TGS1: variants seen among roughly 807,000 people sequenced by gnomAD.
The protein encoded by TGS1 is trimethylguanosine synthase 1.
Under a neutral mutation model 92.2 loss-of-function variants are expected in TGS1, and 69 were observed. That is an observed-to-expected ratio of 0.75 (90% confidence interval 0.62 to 0.91). The LOEUF is 0.91. Among genes scored for constraint, TGS1 ranks in the 40% least tolerant of loss-of-function variants. The probability of loss-of-function intolerance (pLI) is 0.00; values close to 1 mark genes in which losing one functional copy is unlikely to be tolerated. For missense variants in TGS1, 1,062 were observed against 1,001.2 expected, an observed-to-expected ratio of 1.06 and a Z score of -0.82; for synonymous variants, 345 against 338.1, an observed-to-expected ratio of 1.02 and a Z score of -0.22.
intron 8 of TGS1, among the ~76,000 whole-genome samples, chr8:55,802,250 C>G (rs372415138): frequency 1.3e-5 from 2 of 152,096 alleles, no homozygotes; most frequent in Admixed American, 6.6e-5. Flanking sequence ...GGTTACTTTC[C>G]CAAGCTTACA....
chr8:55,790,050 G>C (rs1811831101), intron 4 of TGS1, 132 bp from the exon 5 acceptor site: 1 of 658,718 alleles, frequency 1.5e-6, no homozygotes, highest in Non-Finnish European at 2.7e-6. Context: ...AGGTAGATGT[G>C]AGCTGGCACT....
At chr8:55,782,462 G>A (rs1199518442) in intron 1 of TGS1, among the ~76,000 whole-genome samples, 1 of 152,148 alleles carries the variant, frequency 6.6e-6, no homozygotes, top group Non-Finnish European at 1.5e-5. Context: ...TTACAGGTGG[G>A]AGCCACTGTG....
intron 12 of TGS1, among the ~76,000 whole-genome samples, chr8:55,820,222 C>T (rs1803596200): frequency 6.6e-6 from 1 of 152,114 alleles, no homozygotes; most frequent in Non-Finnish European, 1.5e-5. Flanking sequence ...TTATCGTGCA[C>T]TTTTACTTTA....
Position 55,826,181 on chromosome 8 carries a change from T to C in TGS1, c.*1478T>C, listed in dbSNP as rs912212251. ...AGCATTCTTAAAGTCACTAGGGAGA[T>C]GGCAGGTGAAGTAAAGGCAGATTTC... On this transcript the variant is annotated 3_prime_UTR_variant, in exon 13 of 13. Transcript: ENST00000260129. Among the ~76,000 whole-genome samples the C allele has an allele frequency of 1.3e-5, 2 of 152,156 alleles. No homozygotes were observed. The highest frequency in any genetic ancestry group is 2.4e-5 in the African/African-American group (1 of 41,438).
At chr8:55,789,935 G>C (rs1196091687) in intron 4 of TGS1, among the ~76,000 whole-genome samples, 1 of 152,136 alleles carries the variant, frequency 6.6e-6, no homozygotes, top group Admixed American at 6.5e-5. Flanking sequence ...AAACCTTTAA[G>C]CTGAGCTTAA....
Position 55,824,701 on chromosome 8 carries a change from T to A in TGS1, c.2560T>A (p.Ter854LysextTer18), listed in dbSNP as rs1306519041. Residue 854 changes from the stop codon to lysine (K), a stop_lost, in exon 13 of 13, where the codon TAA (stop) becomes AAA (lysine). Transcript: ENST00000260129. ...DLIRRPASET* is the reference protein window; with the variant it reads ...DLIRRPASETK ...AATTCGAAGACCAGCCTCTGAAACC[T>A]AACTATGCAGCAGTGCGAGGACAAA... The A allele has an allele frequency of 6.2e-7, 1 of 1,614,126 alleles. No homozygotes were observed. The highest frequency in any genetic ancestry group is 2.2e-5 in the East Asian group (1 of 44,886).
At chr8:55,783,552 A>AAG in intron 2 of TGS1, among the ~76,000 whole-genome samples, 1 of 152,334 alleles carries the variant, frequency 6.6e-6, no homozygotes, top group East Asian at 1.9e-4. Flanking sequence ...GCCTGAAGTA[A>AAG]AGAGACTGTC....
chr8:55,824,346 A>G (rs1803734580), intron 12 of TGS1, among the ~76,000 whole-genome samples: 1 of 152,220 alleles, frequency 6.6e-6, no homozygotes, highest in Non-Finnish European at 1.5e-5. Context: ...GTCCTATACA[A>G]CAGCATAGCA....
At chr8:55,800,088 A>G (rs747849064) in intron 8 of TGS1, among the ~76,000 whole-genome samples, 3 of 152,108 alleles carry the variant, frequency 2.0e-5, no homozygotes, top group Admixed American at 6.6e-5. Context: ...CATTATATTT[A>G]TTGTGATCCT....
chr8:55,795,881 T>C, intron 6 of TGS1, 97 bp from the exon 7 acceptor site: 5 of 940,900 alleles, frequency 5.3e-6, no homozygotes, highest in Non-Finnish European at 8.1e-6. Flanking sequence ...TAAAATGGTG[T>C]AAAAATGAGT....
At chr8:55,782,169 T>A (rs980035681) in intron 1 of TGS1, among the ~76,000 whole-genome samples, 1 of 146,582 alleles carries the variant, frequency 6.8e-6, no homozygotes, top group African/African-American at 2.7e-5. Context: ...TTTATTTATT[T>A]ATTTATTTAT....
At position 55,799,056 on chromosome 8, in the gene TGS1, T is replaced by A; in HGVS notation, c.1685T>A (p.Leu562Gln). ...ATGTCTGTTAAAAAAGGTGATGACC[T>A]ACTGGAGACTAATAATCCAGAACCT... ...QDMSVKKGDD[L>Q]LETNNPEPEK... The change falls in exon 8 of 13, where the codon CTA (leucine) becomes CAA (glutamine). Residue 562 changes from leucine to glutamine, a missense_variant. By Grantham distance (113) the Leu-to-Gln change is moderately radical. Transcript: ENST00000260129. 2 of 1,614,228 alleles carry A rather than the reference T, an allele frequency of 1.2e-6. No homozygotes were observed. The highest frequency in any genetic ancestry group is 1.7e-6 in the Non-Finnish European group (2 of 1,180,034).
At chr8:55,810,563 A>C (rs1803311854) in intron 10 of TGS1, among the ~76,000 whole-genome samples, 1 of 152,264 alleles carries the variant, frequency 6.6e-6, no homozygotes, top group Non-Finnish European at 1.5e-5. Context: ...GCTGTAGCAC[A>C]GCACAATGGT....
chr8:55,785,760 G>C lies in TGS1; in HGVS notation c.208G>C (p.Gly70Arg), dbSNP rs1403377140. 19 of 1,612,808 alleles carry C rather than the reference G, an allele frequency of 1.2e-5. No individual in the cohort carries two copies. The highest frequency in any genetic ancestry group is 1.6e-5 in the Non-Finnish European group (19 of 1,179,530). Residue 70 changes from glycine to arginine, a missense_variant, in exon 3 of 13, where the codon GGT becomes CGT. Gly to Arg is a moderately radical substitution (Grantham distance 125). Coordinates refer to ENST00000260129, the MANE Select transcript of TGS1 (RefSeq NM_024831.8). ...AGAAGAGGAAGGTGGTTATTCCTGTGGTACTGCAGAATCACATGACAGCAA... is the reference window on the plus strand; with the variant it reads ...AGAAGAGGAAGGTGGTTATTCCTGTCGTACTGCAGAATCACATGACAGCAA... ...TEEEEGGYSC[G>R]TAESHDSKGI... is the part of the protein sequence containing the mutation.
At position 55,824,894 on chromosome 8, in the gene TGS1, A is replaced by G; in HGVS notation, c.*191A>G. On this transcript the variant is annotated 3_prime_UTR_variant, in exon 13 of 13. Coordinates refer to ENST00000260129, the MANE Select transcript of TGS1 (RefSeq NM_024831.8). ...TTTGAATAATTCCTTTAGAGGAATT[A>G]TACAAAATTAATATATATGAGTCCT... 1 of 609,070 alleles carries G rather than the reference A, an allele frequency of 1.6e-6. No individual in the cohort carries two copies. Among genetic ancestry groups the G allele is most frequent in the Admixed American group, 3.4e-5 (1 of 29,756 alleles). The allele number at this position is 609,070 out of a possible 1,614,324, so 37.7% of individuals were successfully genotyped here.
Position 55,826,348 on chromosome 8 carries a change from A to G in TGS1, c.*1645A>G, listed in dbSNP as rs1803791694. Among the ~76,000 whole-genome samples, 1 of 152,198 alleles carries G rather than the reference A, an allele frequency of 6.6e-6. No individual in the cohort carries two copies. The highest frequency in any genetic ancestry group is 1.5e-5 in the Non-Finnish European group (1 of 68,036). On this transcript the variant is annotated 3_prime_UTR_variant, in exon 13 of 13. Transcript: ENST00000260129. Reference sequence around the variant, plus strand: ...CATGATTTTACATGAGAAGAGCAGGAAGCTTAGGCTTGGTTAGCTAAAACT... The same window carrying G: ...CATGATTTTACATGAGAAGAGCAGGGAGCTTAGGCTTGGTTAGCTAAAACT...
chr8:55,818,954 T>C (rs1803559574), intron 12 of TGS1, among the ~76,000 whole-genome samples: 1 of 152,148 alleles, frequency 6.6e-6, no homozygotes, highest in Admixed American at 6.5e-5. Context: ...GGGGTTTTTT[T>C]CTTCTTTGGA....
rs1377585014 is a variant in TGS1, at chr8:55,796,032, T to C, written c.1422T>C (p.Asn474=). ...GGCAGGTCAGGTATTTAGAGAAGAA[T>C]GTGAAGCTTAAGTCTAAGTACCTAG... is the stretch of plus-strand genomic sequence containing the variant. The part of the protein sequence containing the change: ...SHRQVRYLEK[N]VKLKSKYLDM... Residue 474 remains asparagine, a synonymous_variant, in exon 7 of 13, where the codon AAT becomes AAC. Coordinates refer to ENST00000260129, the MANE Select transcript of TGS1 (RefSeq NM_024831.8). The C allele has an allele frequency of 3.7e-6, 6 of 1,613,666 alleles. No individual in the cohort carries two copies. Among genetic ancestry groups the C allele is most frequent in the Non-Finnish European group, 4.2e-6 (5 of 1,179,746 alleles).
At chr8:55,823,614 G>A (rs1305418086) in intron 12 of TGS1, among the ~76,000 whole-genome samples, 1 of 152,206 alleles carries the variant, frequency 6.6e-6, no homozygotes, top group East Asian at 1.9e-4. Flanking sequence ...CTCCTCATGA[G>A]AGTAGGGATC....
Sources: gnomAD v4.1 joint callset for allele counts (sites outside exome capture counted in the v4.1 genomes callset) on GRCh38, gnomAD v4.1.1 for gene constraint, MANE v1.5 for transcripts, NCBI Gene and HGNC (gene_info 2026-07-23, HGNC 2026-07-21) for gene names.